NAALADL2: variants seen among roughly 807,000 people sequenced by gnomAD.
NAALADL2 encodes the protein N-acetylated alpha-linked acidic dipeptidase like 2.
Under a neutral mutation model 87.2 loss-of-function variants are expected in NAALADL2, and 76 were observed. The ratio of observed to expected loss-of-function variants is 0.87; its 90% CI spans 0.72 to 1.05. NAALADL2 has a LOEUF of 1.05. Among genes scored for constraint, NAALADL2 ranks in the 50% least tolerant of loss-of-function variants. The pLI is 0.00. For missense variants in NAALADL2, 1,089 were observed against 945.8 expected (o/e 1.15, Z -1.99); for synonymous variants, 354 against 331.0 (o/e 1.07, Z -0.75).
At chr3:174,699,589 C>G (rs76865165) in intron 2 of NAALADL2, among the ~76,000 whole-genome samples, 2,155 of 151,476 alleles carry the variant, frequency 0.014, 53 homozygotes, top group African/African-American at 0.05. Flanking sequence ...TAATTTGATT[C>G]AATTCTTCCT....
At chr3:174,731,075 TCTACCCGCACACTATCATGGAAAGTG>T (rs1358214860) in intron 2 of NAALADL2, among the ~76,000 whole-genome samples, 1 of 152,128 alleles carries the variant, frequency 6.6e-6, no homozygotes, top group African/African-American at 2.4e-5. Context: ...TATTCCTATT[TCTACCCGCACACTATCATGGAAAGTG>T]CTACCCACAC....
intron 1 of NAALADL2, among the ~76,000 whole-genome samples, chr3:175,017,578 T>G (rs1254901741): frequency 6.6e-6 from 1 of 152,008 alleles, no homozygotes; most frequent in Non-Finnish European, 1.5e-5. Context: ...AGCAGGCCTG[T>G]TTTTATGTGA....
chr3:175,106,185 T>C (rs1322005822), intron 2 of NAALADL2, among the ~76,000 whole-genome samples: 3 of 151,538 alleles, frequency 2.0e-5, no homozygotes, highest in Non-Finnish European at 4.4e-5. Flanking sequence ...TGTCCTTTTC[T>C]TCATCTTTTT....
In NAALADL2 at chr3:174,560,142, C is replaced by A. The variant is rs535649508; in HGVS notation, c.-115+9505C>A. Among the ~76,000 whole-genome samples the A allele has an allele frequency of 7.9e-5, 12 of 152,254 alleles. No homozygotes were observed. The East Asian group carries it at 2.3e-3, about 29-fold the overall frequency. The stretch of plus-strand genomic sequence containing the variant: ...TTTAATTACTTTTGTCTCTAGCCTT[C>A]AACAGTGATACATTATAGATGAGAT... On this transcript the variant is annotated intron_variant, in intron 2 of 3. Transcript: ENST00000434257.
intron 11 of NAALADL2, among the ~76,000 whole-genome samples, chr3:175,629,120 A>T (rs911447175): frequency 6.7e-6 from 1 of 148,908 alleles, no homozygotes; most frequent in African/African-American, 2.4e-5. Context: ...ATACTTGGAG[A>T]TTATATATAT....
intron 11 of NAALADL2, among the ~76,000 whole-genome samples, chr3:175,734,388 A>G (rs1024859830): frequency 4.0e-5 from 6 of 151,504 alleles, no homozygotes; most frequent in Non-Finnish European, 7.4e-5. Flanking sequence ...CCCCATCTCT[A>G]CTAAAAATAC....
At chr3:175,265,734 T>C (rs192910310) in intron 4 of NAALADL2, among the ~76,000 whole-genome samples, 1 of 151,682 alleles carries the variant, frequency 6.6e-6, no homozygotes, top group East Asian at 1.9e-4. Flanking sequence ...ACGTATATGG[T>C]TTTGAAATCA....
intron 1 of NAALADL2, among the ~76,000 whole-genome samples, chr3:175,016,683 A>G (rs1187894922): frequency 1.3e-5 from 2 of 151,992 alleles, no homozygotes; most frequent in Non-Finnish European, 2.9e-5. Flanking sequence ...TAAATGCTAC[A>G]CTTGATCTCC....
intron 2 of NAALADL2, among the ~76,000 whole-genome samples, chr3:174,586,112 A>C (rs1282560660): frequency 6.6e-6 from 1 of 152,202 alleles, no homozygotes; most frequent in Non-Finnish European, 1.5e-5. Context: ...ACTGGATAAA[A>C]TCACTTCAGG....
At chr3:175,717,662 G>T (rs1279204385) in intron 11 of NAALADL2, among the ~76,000 whole-genome samples, 1 of 149,780 alleles carries the variant, frequency 6.7e-6, no homozygotes, top group South Asian at 2.1e-4. Flanking sequence ...CTACACTCCA[G>T]CCTGGATGAC....
intron 3 of NAALADL2, among the ~76,000 whole-genome samples, chr3:175,253,161 A>G (rs1749349264): frequency 6.6e-6 from 1 of 152,178 alleles, no homozygotes; most frequent in African/African-American, 2.4e-5. Context: ...AGCTAGAGAG[A>G]AGAAGGCTAG....
chr3:175,657,649 G>C (rs1407607615), intron 11 of NAALADL2, among the ~76,000 whole-genome samples: 1 of 150,344 alleles, frequency 6.7e-6, no homozygotes, highest in African/African-American at 2.5e-5. Flanking sequence ...GGCACGATCT[G>C]GGCTCACTGC....
In NAALADL2 at chr3:175,447,282, A is replaced by ATC; in HGVS notation, c.1148_1149dup (p.Ala384LeufsTer8). 6.2e-7 allele frequency: 1 copy of ATC among 1,605,742 alleles called. No individual in the cohort carries two copies. The highest frequency in any genetic ancestry group is 2.2e-5 in the East Asian group (1 of 44,748). Reference sequence around the variant, plus strand: ...CCTCACCTCTCTATTAGTGCAGCCCATCTCTGCACCCCTCGTTGCAAAACT... The same window carrying ATC: ...CCTCACCTCTCTATTAGTGCAGCCCATCTCTCTGCACCCCTCGTTGCAAAACT... On this transcript the variant is annotated frameshift_variant, in exon 6 of 14. Transcript: ENST00000454872. LOFTEE classifies it high-confidence loss of function.
intron 5 of NAALADL2, among the ~76,000 whole-genome samples, chr3:175,360,090 CT>C (rs2148904455): frequency 6.6e-6 from 1 of 152,264 alleles, no homozygotes; most frequent in East Asian, 1.9e-4. Context: ...TCTCTACTCC[CT>C]ATCTCCCTAT....
chr3:175,400,457 T>C (rs1052170764), intron 5 of NAALADL2, among the ~76,000 whole-genome samples: 8 of 152,052 alleles, frequency 5.3e-5, no homozygotes, highest in African/African-American at 1.9e-4. Flanking sequence ...TCTTAATCTC[T>C]ACTGAAAAGT....
chr3:174,612,531 G>A (rs1168624763), intron 2 of NAALADL2, among the ~76,000 whole-genome samples: 1 of 151,750 alleles, frequency 6.6e-6, no homozygotes, highest in Non-Finnish European at 1.5e-5. Context: ...CTACCTTCAA[G>A]CTCACTAATT....
intron 10 of NAALADL2, among the ~76,000 whole-genome samples, chr3:175,578,996 T>A (rs1046942814): frequency 6.6e-6 from 1 of 152,208 alleles, no homozygotes; most frequent in African/African-American, 2.4e-5. Context: ...ACTTATAGTA[T>A]CTGTGTGGCC....
intron 1 of NAALADL2, among the ~76,000 whole-genome samples, chr3:175,088,147 G>A (rs1183309154): frequency 1.3e-5 from 2 of 152,056 alleles, no homozygotes; most frequent in Admixed American, 1.3e-4. Context: ...ATCGTATAAT[G>A]GTAGTATTTT....
intron 12 of NAALADL2, among the ~76,000 whole-genome samples, chr3:175,751,025 CAAAT>C (rs139813360): frequency 0.099 from 15,076 of 152,040 alleles, 776 homozygotes; most frequent in Middle Eastern, 0.14. Context: ...TCATTTGTCT[CAAAT>C]AATATCAAGA....
Sources: gnomAD v4.1 joint callset for allele counts (sites outside exome capture counted in the v4.1 genomes callset) on GRCh38, gnomAD v4.1.1 for gene constraint, MANE v1.5 for transcripts, NCBI Gene and HGNC (gene_info 2026-07-23, HGNC 2026-07-21) for gene names.